TTC29: variants seen among roughly 807,000 people sequenced by gnomAD.
TTC29 encodes tetratricopeptide repeat domain 29, also known as tetratricopeptide repeat protein 29.
A neutral mutation model predicts 58.1 loss-of-function variants in TTC29; 49 were observed. That is an observed-to-expected ratio of 0.84 (90% CI 0.67 to 1.07). TTC29 has a LOEUF of 1.07. Among genes scored for constraint, TTC29 ranks in the 50% least tolerant of loss-of-function variants. TTC29 has a pLI of 0.00. For synonymous variants in TTC29, 209 were observed against 196.8 expected, an observed-to-expected ratio of 1.06 and a Z score of -0.52; for missense variants, 582 against 555.6, an observed-to-expected ratio of 1.05 and a Z score of -0.48.
At position 146,915,491 on chromosome 4, in the gene TTC29, G is replaced by T. The variant is rs551221856; in HGVS notation, c.177-6242C>A. ...AGCATCCAGGAAGAGCAAATTAAAT[G>T]GATATGGTTCCCACTCAAGGGTGTA... is the stretch of plus-strand genomic sequence containing the variant. On this transcript the variant is annotated intron_variant, in intron 4 of 12. Transcript: ENST00000325106. Among the ~76,000 whole-genome samples the T allele has an allele frequency of 1.3e-4, 20 of 151,996 alleles. No homozygotes were observed. In the South Asian group the frequency reaches 4.2e-3, roughly 32 times the overall value.
At position 146,894,688 on chromosome 4, in the gene TTC29, A is replaced by AAAAT. The variant is rs34060136; in HGVS notation, c.586+8852_586+8855dup. 4.0e-3 allele frequency among the ~76,000 whole-genome samples: 596 copies of AAAAT among 150,290 alleles called. 2 individuals are homozygous for AAAAT. Among genetic ancestry groups the AAAAT allele is most frequent in the Non-Finnish European group, 7.1e-3 (481 of 67,598 alleles). On this transcript the variant is annotated intron_variant, in intron 6 of 12. Coordinates refer to ENST00000325106, the MANE Select transcript of TTC29 (RefSeq NM_031956.4). ...TAAAACTTAAAGTATAATAAAAAAT[A>AAAAT]AAATAAATAAATAAATAAATAAATA... is the stretch of plus-strand genomic sequence containing the variant.
chr4:146,746,430 G>C (rs985025540), intron 11 of TTC29, among the ~76,000 whole-genome samples: 1 of 152,122 alleles, frequency 6.6e-6, no homozygotes, highest in Non-Finnish European at 1.5e-5. Flanking sequence ...ATGATGTTAG[G>C]TATTTGTATT....
At chr4:146,785,133 TA>T (rs1162569035) in intron 11 of TTC29, among the ~76,000 whole-genome samples, 16 of 152,040 alleles carry the variant, frequency 1.1e-4, no homozygotes, top group African/African-American at 3.9e-4. Context: ...TTGAGCCTTT[TA>T]AAAATATATT....
At chr4:146,911,084 A>AT (rs1387877946) in intron 4 of TTC29, among the ~76,000 whole-genome samples, 2 of 152,110 alleles carry the variant, frequency 1.3e-5, no homozygotes, top group Non-Finnish European at 2.9e-5. Flanking sequence ...GGCAGGGAGG[A>AT]TTACCAACAT....
intron 11 of TTC29, among the ~76,000 whole-genome samples, chr4:146,743,712 G>A (rs182303145): frequency 8.5e-5 from 13 of 152,186 alleles, no homozygotes; most frequent in South Asian, 6.3e-4. Flanking sequence ...TTCTTATTTC[G>A]CTTTAGAAGA....
intron 8 of TTC29, among the ~76,000 whole-genome samples, chr4:146,854,097 G>T (rs78850991): frequency 6.6e-6 from 1 of 152,240 alleles, no homozygotes; most frequent in African/African-American, 2.4e-5. Context: ...CAGCAGGACT[G>T]ATCCATTTGC....
intron 8 of TTC29, among the ~76,000 whole-genome samples, chr4:146,857,342 G>T (rs1384707662): frequency 6.6e-5 from 10 of 150,768 alleles, no homozygotes; most frequent in Non-Finnish European, 1.2e-4. Flanking sequence ...ACAACAGTTG[G>T]GGGAAATGGG....
At chr4:146,711,697 T>C (rs1354336880) in intron 11 of TTC29, among the ~76,000 whole-genome samples, 1 of 152,178 alleles carries the variant, frequency 6.6e-6, no homozygotes, top group Non-Finnish European at 1.5e-5. Context: ...TTTCAGCAGA[T>C]TTTATTGATA....
intron 3 of TTC29, 103 bp from the exon 4 acceptor site, chr4:146,937,780 T>C (rs987165154): frequency 4.9e-6 from 3 of 611,706 alleles, no homozygotes; most frequent in Non-Finnish European, 8.3e-6. Context: ...CAGGGTATAA[T>C]ACCATATGTA....
Position 146,735,305 on chromosome 4 carries a change from T to A in TTC29, c.1331-27754A>T, listed in dbSNP as rs1376696855. On this transcript the variant is annotated intron_variant, in intron 11 of 12. Transcript: ENST00000325106. ...ACTCTTCAAACCAGAGGGTACAGTA[T>A]GAAGGAAGTGTTCTATTTTGTCGAT... Among the ~76,000 whole-genome samples the A allele has an allele frequency of 5.3e-5, 8 of 152,200 alleles. No homozygotes were observed. In the East Asian group the frequency reaches 1.5e-3, roughly 29 times the overall value.
At position 146,850,429 on chromosome 4, in the gene TTC29, C is replaced by T. The variant is rs990742794; in HGVS notation, c.886-16532G>A. On this transcript the variant is annotated intron_variant, in intron 8 of 12. Coordinates refer to ENST00000325106, the MANE Select transcript of TTC29 (RefSeq NM_031956.4). ...GACAAGTAGCTGCCTGACAATGCCA[C>T]CATGCAGGCTGGGCTCCAGCTTCTG... Among the ~76,000 whole-genome samples the T allele has an allele frequency of 7.6e-4, 115 of 152,308 alleles. 2 individuals are homozygous for T. The highest frequency in any genetic ancestry group is 2.1e-3 in the African/African-American group (89 of 41,574).
chr4:146,846,494 C>A (rs1013591779), intron 8 of TTC29, among the ~76,000 whole-genome samples: 4 of 152,112 alleles, frequency 2.6e-5, no homozygotes, highest in Admixed American at 2.0e-4. Context: ...CAGTTTTTAT[C>A]CTGATAAGTA....
chr4:146,917,339 C>T (rs942310976), intron 4 of TTC29, among the ~76,000 whole-genome samples: 1 of 147,772 alleles, frequency 6.8e-6, no homozygotes, highest in Non-Finnish European at 1.5e-5. Flanking sequence ...TATAATTTAA[C>T]ATATTTTAAT....
chr4:146,922,055 A>T (rs904685450), intron 4 of TTC29, among the ~76,000 whole-genome samples: 2 of 149,780 alleles, frequency 1.3e-5, no homozygotes, highest in African/African-American at 2.4e-5. Flanking sequence ...ACCAAAAACT[A>T]CTCACTGCAA....
At chr4:146,851,266 C>T (rs897099497) in intron 8 of TTC29, among the ~76,000 whole-genome samples, 2 of 152,092 alleles carry the variant, frequency 1.3e-5, no homozygotes, top group Admixed American at 6.6e-5. Flanking sequence ...ATCTTCATGC[C>T]ACAGGTGAAG....
At chr4:146,882,273 A>C (rs1263252762) in intron 6 of TTC29, among the ~76,000 whole-genome samples, 3 of 152,126 alleles carry the variant, frequency 2.0e-5, no homozygotes, top group Non-Finnish European at 2.9e-5. Context: ...AGTTGGTTTC[A>C]ATCTAAGTTT....
intron 10 of TTC29, among the ~76,000 whole-genome samples, chr4:146,805,020 G>A (rs1403135430): frequency 6.6e-6 from 1 of 152,140 alleles, no homozygotes; most frequent in African/African-American, 2.4e-5. Flanking sequence ...CCTCTGGGAC[G>A]AAGCTTCCAG....
intron 8 of TTC29, among the ~76,000 whole-genome samples, chr4:146,841,628 A>G (rs1728857797): frequency 1.3e-5 from 2 of 150,966 alleles, no homozygotes; most frequent in African/African-American, 4.9e-5. Context: ...CACCCTTCCC[A>G]TTGTTCTTTC....
chr4:146,922,379 G>C (rs981376379), intron 4 of TTC29, among the ~76,000 whole-genome samples: 5 of 151,638 alleles, frequency 3.3e-5, no homozygotes, highest in Admixed American at 3.3e-4. Context: ...CACATAAAAT[G>C]AAAGAACTGG....
Sources: gnomAD v4.1 joint callset for allele counts (sites outside exome capture counted in the v4.1 genomes callset) on GRCh38, gnomAD v4.1.1 for gene constraint, MANE v1.5 for transcripts, NCBI Gene and HGNC (gene_info 2026-07-23, HGNC 2026-07-21) for gene names.